SLC28A3: variants seen among roughly 807,000 people sequenced by gnomAD.
SLC28A3 encodes solute carrier family 28 member 3.
SLC28A3 carries 68 observed loss-of-function variants against 84.2 expected under a neutral mutation model. The ratio of observed to expected loss-of-function variants is 0.81; its 90% confidence interval spans 0.66 to 0.99. The LOEUF (loss-of-function observed/expected upper bound fraction) is 0.99, where lower values mean the gene tolerates loss of function less well. Ranked by LOEUF, SLC28A3 falls within the 50% of genes least tolerant of loss-of-function variation. The pLI is 0.00. For missense variants in SLC28A3, 712 were observed against 841.5 expected, an observed-to-expected ratio of 0.85 and a Z score of 1.90; for synonymous variants, 267 against 303.6, an observed-to-expected ratio of 0.88 and a Z score of 1.25.
At chr9:84,342,609 G>A (rs1416735144), upstream of SLC28A3, among the ~76,000 whole-genome samples, 1 of 151,354 alleles carries the variant, frequency 6.6e-6, no homozygotes, top group Non-Finnish European at 1.5e-5. Context: ...TAGAACTGGG[G>A]GCCTCACTAT....
chr9:84,354,742 A>G, the SLC28A3 span, among the ~76,000 whole-genome samples: 6 of 151,882 alleles, frequency 4.0e-5, no homozygotes, highest in Non-Finnish European at 7.4e-5. Context: ...AGCTACTCGA[A>G]AGGCTGAGGT....
At chr9:84,315,967 TGTGA>T (rs1826158244) in intron 1 of SLC28A3, among the ~76,000 whole-genome samples, 1 of 152,234 alleles carries the variant, frequency 6.6e-6, no homozygotes. Context: ...GGAATTGCAT[TGTGA>T]GTATGTCTAG....
Position 84,276,960 on chromosome 9 carries a change from G to A in SLC28A3, c.*1258C>T, listed in dbSNP as rs1283877264. The A allele has an allele frequency of 6.6e-6, 1 of 152,236 alleles. No homozygotes were observed. The highest frequency in any genetic ancestry group is 1.5e-5 in the Non-Finnish European group (1 of 68,044). 9.4% of individuals were successfully genotyped at this position (152,236 alleles called of 1,614,324 possible). On this transcript the variant is annotated 3_prime_UTR_variant, in exon 18 of 18. Transcript: ENST00000376238. ...TCTTCATGCTATTAAGAGCAGTGGT[G>A]ATGGGCATTTCGTTAAAGAGCACAC...
At chr9:84,339,809 G>A (rs527735864) in intron 1 of SLC28A3, among the ~76,000 whole-genome samples, 3 of 152,298 alleles carry the variant, frequency 2.0e-5, no homozygotes, top group Admixed American at 6.5e-5. Context: ...CTGAACTCCT[G>A]TCAAAGCCCT....
chr9:84,316,686 T>C (rs940229445), intron 1 of SLC28A3, among the ~76,000 whole-genome samples: 5 of 152,220 alleles, frequency 3.3e-5, no homozygotes, highest in African/African-American at 1.2e-4. Context: ...AATGATACAG[T>C]ATTTAGTAGG....
At position 84,276,746 on chromosome 9, in the gene SLC28A3, C is replaced by CA. The variant is rs1173251474; in HGVS notation, c.*1471dup. The CA allele has an allele frequency of 6.6e-6, 1 of 152,188 alleles. No homozygotes were observed. The highest frequency in any genetic ancestry group is 2.1e-4 in the South Asian group (1 of 4,828). The allele number at this position is 152,188 out of a possible 1,614,324, so 9.4% of individuals were successfully genotyped here. A position where few individuals can be genotyped will look rare whatever the true frequency, so the allele number is the denominator to read the frequency against. The stretch of plus-strand genomic sequence containing the variant: ...CATTAGGCCTCCTCCTTCACCACCA[C>CA]AAAAAACAAAACACACAAAAAACCC... On this transcript the variant is annotated 3_prime_UTR_variant, in exon 18 of 18. Transcript: ENST00000376238.
intron 12 of SLC28A3, among the ~76,000 whole-genome samples, chr9:84,287,560 G>C (rs1825041504): frequency 6.6e-6 from 1 of 152,106 alleles, no homozygotes; most frequent in Non-Finnish European, 1.5e-5. Context: ...ATTGACATTA[G>C]GTATTTAGAG....
chr9:84,295,913 C>T lies in SLC28A3; in HGVS notation c.861+1308G>A, dbSNP rs118049991. Among the ~76,000 whole-genome samples, 76 of 152,270 alleles carry T rather than the reference C, an allele frequency of 5.0e-4. 1 individual carries two copies. The East Asian group carries it at 0.015, about 29-fold the overall frequency. ...TTAAAAGACATTTTGTGCCAGTATT[C>T]AGAGCTCACTCACGATGAGCCTTTT... On this transcript the variant is annotated intron_variant, in intron 8 of 17. Transcript: ENST00000376238.
chr9:84,363,896 C>T, the SLC28A3 span, among the ~76,000 whole-genome samples: 1 of 151,886 alleles, frequency 6.6e-6, no homozygotes, highest in South Asian at 2.1e-4. Flanking sequence ...GGCCTGATTT[C>T]CATACTGACC....
chr9:84,290,204 C>T lies in SLC28A3; in HGVS notation c.1099G>A (p.Gly367Arg), dbSNP rs11568388. The change falls in exon 11 of 18, where the codon GGG becomes AGG. Residue 367 changes from glycine to arginine, a missense_variant. Gly to Arg is a moderately radical substitution (Grantham distance 125, BLOSUM62 -2). Transcript: ENST00000376238. Reference protein sequence around the residue: ...KSELHAIMTAGFSTIAGSVLG... With the variant: ...KSELHAIMTARFSTIAGSVLG... ...ACGCTTCCAGCAATGGTAGAGAACC[C>T]GGCGGTCATGATGGCGTGGAGTTCA... 14 of 1,614,044 alleles carry T rather than the reference C, an allele frequency of 8.7e-6. 1 individual carries two copies. Among genetic ancestry groups the T allele is most frequent in the South Asian group, 3.3e-5 (3 of 91,074 alleles).
intron 11 of SLC28A3, 140 bp from the exon 12 acceptor site, chr9:84,288,318 G>T: frequency 7.9e-7 from 1 of 1,258,950 alleles, no homozygotes; most frequent in Admixed American, 2.4e-5. Flanking sequence ...TTGGAGGTCT[G>T]GAAGAGCCAC....
chr9:84,294,139 C>T (rs762089642), intron 9 of SLC28A3, 56 bp downstream of exon 9: 6 of 1,547,232 alleles, frequency 3.9e-6, no homozygotes, highest in Admixed American at 3.6e-5. Context: ...TTGAGGACTT[C>T]GTGCCTGAGA....
At chr9:84,336,919 C>T (rs1021387703) in intron 1 of SLC28A3, among the ~76,000 whole-genome samples, 33 of 152,180 alleles carry the variant, frequency 2.2e-4, no homozygotes, top group African/African-American at 7.7e-4. Context: ...CCTTAAAGCC[C>T]TAATCAAATT....
At chr9:84,308,871 C>T (rs1380673489) in intron 3 of SLC28A3, among the ~76,000 whole-genome samples, 2 of 152,196 alleles carry the variant, frequency 1.3e-5, no homozygotes, top group South Asian at 2.1e-4. Context: ...GCGTCTCCTA[C>T]CTTACGGAGT....
the SLC28A3 span, among the ~76,000 whole-genome samples, chr9:84,348,498 G>A: frequency 6.6e-6 from 1 of 152,150 alleles, no homozygotes; most frequent in Non-Finnish European, 1.5e-5. Flanking sequence ...TGAGGTTTAT[G>A]TTTACAGCTA....
the SLC28A3 span, among the ~76,000 whole-genome samples, chr9:84,362,659 TAATAA>T: frequency 6.9e-6 from 1 of 145,400 alleles, no homozygotes; most frequent in East Asian, 2.1e-4. Context: ...ATAAATAAGT[TAATAA>T]ATAAATAAAT....
chr9:84,320,040 GTTTTT>G (rs1182939298), intron 1 of SLC28A3, among the ~76,000 whole-genome samples: 182 of 59,520 alleles, frequency 3.1e-3, no homozygotes, highest in African/African-American at 0.017. Context: ...GGCTTGCACT[GTTTTT>G]TTTTTTTTTT....
At chr9:84,298,062 A>C in intron 6 of SLC28A3, 43 bp from the exon 7 acceptor site, 2 of 1,511,424 alleles carry the variant, frequency 1.3e-6, no homozygotes, top group Non-Finnish European at 1.8e-6. Flanking sequence ...AGGAAAATTA[A>C]TGCAGGCCGT....
At chr9:84,283,322 A>G (rs1187453467) in intron 14 of SLC28A3, among the ~76,000 whole-genome samples, 1 of 152,286 alleles carries the variant, frequency 6.6e-6, no homozygotes, top group Non-Finnish European at 1.5e-5. Context: ...CAAAGATGCC[A>G]TACGTACAGG....
Sources: allele counts gnomAD v4.1 joint callset (sites outside exome capture counted in the v4.1 genomes callset), GRCh38; gene constraint gnomAD v4.1.1; transcripts MANE v1.5; gene names NCBI Gene and HGNC (gene_info 2026-07-23, HGNC 2026-07-21).